The following MYO9B variants were observed in gnomAD, a reference collection of about 807,000 sequenced individuals.
The protein encoded by MYO9B is myosin IXB, also known as unconventional myosin-IXb.
A neutral mutation model predicts 229.5 loss-of-function variants in MYO9B; 71 were observed. That is an observed-to-expected ratio of 0.31 (90% confidence interval 0.26 to 0.38). The LOEUF is 0.38. MYO9B is among the 10% of genes least tolerant of loss of function. The probability of loss-of-function intolerance (pLI) is 1.00; values close to 1 mark genes in which losing one functional copy is unlikely to be tolerated. For missense variants in MYO9B, 2,255 were observed against 2,920.5 expected (o/e 0.77, Z 5.25); for synonymous variants, 1,185 against 1,235.8 (o/e 0.96, Z 0.86).
chr19:17,206,230 A>ACCCCCCCCCCCCC lies in MYO9B; in HGVS notation c.5258-14_5258-13insCCCCCCCCCCCCC. 1 of 407,806 alleles carries ACCCCCCCCCCCCC rather than the reference A, an allele frequency of 2.5e-6. No homozygotes were observed. Among genetic ancestry groups the ACCCCCCCCCCCCC allele is most frequent in the South Asian group, 3.1e-5 (1 of 32,270 alleles). The allele number at this position is 407,806 out of a possible 1,614,324, so 25.3% of individuals were successfully genotyped here. On this transcript the variant is annotated splice_polypyrimidine_tract_variant and intron_variant, in intron 32 of 39. Coordinates refer to ENST00000682292, the MANE Select transcript of MYO9B (RefSeq NM_004145.4). The stretch of plus-strand genomic sequence containing the variant: ...TGCCAGTGCGCCGCTCACCAGACCC[A>ACCCCCCCCCCCCC]CCCCACCCACCCCACAGACCCCGCA...
At chr19:17,150,539 T>C (rs1448476078) in intron 3 of MYO9B, among the ~76,000 whole-genome samples, 1 of 152,036 alleles carries the variant, frequency 6.6e-6, no homozygotes, top group Non-Finnish European at 1.5e-5. Flanking sequence ...CAGGATGGGC[T>C]CAGATGAGGG....
In MYO9B at chr19:17,102,208, A is replaced by G; in HGVS notation, c.491A>G (p.Lys164Arg). Residue 164 changes from lysine to arginine, a missense_variant, in exon 2 of 40, where the codon AAG (lysine) becomes AGG (arginine). Lys to Arg is a conservative substitution (Grantham distance 26). Transcript: ENST00000682292. ...LPELTEGNLLKNLKHRFLQQK... is the reference protein window; with the variant it reads ...LPELTEGNLLRNLKHRFLQQK... The stretch of plus-strand genomic sequence containing the variant: ...GAGCTAACCGAGGGCAACCTCCTGA[A>G]GAACCTCAAGCACCGCTTCCTGCAA... 10 of 1,613,990 alleles carry G rather than the reference A, an allele frequency of 6.2e-6. No individual in the cohort carries two copies. Among genetic ancestry groups the G allele is most frequent in the Non-Finnish European group, 8.5e-6 (10 of 1,179,874 alleles).
chr19:17,085,946 G>C lies in MYO9B; in HGVS notation c.-59+10072G>C, dbSNP rs182158793. ...TTCGTTACAAGCCCACAGGTCACCC[G>C]AGAAGGACCTGCAGCCCAGCCACCA... is the stretch of plus-strand genomic sequence containing the variant. On this transcript the variant is annotated intron_variant, in intron 1 of 39. Transcript: ENST00000682292. 2.6e-5 allele frequency among the ~76,000 whole-genome samples: 4 copies of C among 152,122 alleles called. No homozygotes were observed. The East Asian group carries it at 7.8e-4, about 29-fold the overall frequency.
intron 36 of MYO9B, among the ~76,000 whole-genome samples, 178 bp downstream of exon 36, chr19:17,209,887 T>G (rs954751331): frequency 1.3e-5 from 2 of 151,730 alleles, no homozygotes; most frequent in African/African-American, 4.8e-5. Flanking sequence ...GGGTGTGGTC[T>G]CGGGTAGCAG....
Position 17,168,014 on chromosome 19 carries a change from C to T in MYO9B, c.1743C>T (p.Leu581=), listed in dbSNP as rs1469850992. The change falls in exon 11 of 40, where the codon CTC becomes CTT. Residue 581 remains leucine, a synonymous_variant. Coordinates refer to ENST00000682292, the MANE Select transcript of MYO9B (RefSeq NM_004145.4). ...GYTDNVGCIH[L]ISKKPTGLFY... ...CAGACAATGTCGGCTGCATCCATCT[C>T]ATCAGCAAGAAACCCACGGGCCTCT... 6.2e-7 allele frequency: 1 copy of T among 1,611,390 alleles called. No homozygotes were observed. Among genetic ancestry groups the T allele is most frequent in the Non-Finnish European group, 8.5e-7 (1 of 1,178,972 alleles).
At chr19:17,111,762 G>A (rs140575191) in intron 2 of MYO9B, among the ~76,000 whole-genome samples, 6 of 152,108 alleles carry the variant, frequency 3.9e-5, no homozygotes, top group East Asian at 3.9e-4. Context: ...AGGAGACCCC[G>A]TCCCCATCAG....
intron 17 of MYO9B, 84 bp downstream of exon 17, chr19:17,185,071 T>C: frequency 1.3e-6 from 2 of 1,588,588 alleles, no homozygotes; most frequent in Non-Finnish European, 8.6e-7. Flanking sequence ...GCACAGCCCG[T>C]CTCTAGTAAA....
chr19:17,150,519 T>G (rs1452040678), intron 3 of MYO9B, among the ~76,000 whole-genome samples: 1 of 152,124 alleles, frequency 6.6e-6, no homozygotes, highest in African/African-American at 2.4e-5. Context: ...CAGCTGTGTC[T>G]CCTGCATAAC....
In MYO9B at chr19:17,198,215, G is replaced by A. The variant is rs1355835496; in HGVS notation, c.4145G>A (p.Ser1382Asn). 5 of 1,613,796 alleles carry A rather than the reference G, an allele frequency of 3.1e-6. No homozygotes were observed. The highest frequency in any genetic ancestry group is 3.4e-6 in the Non-Finnish European group (4 of 1,179,898). Residue 1382 changes from serine to asparagine, a missense_variant, in exon 24 of 40, where the codon AGT becomes AAT. Physicochemically the swap from Ser to Asn is conservative, Grantham distance 46. Around this residue, in one of 7 missense-constraint regions of MYO9B, gnomAD observed 679 missense variants for 770.2 expected, o/e 0.88. Coordinates refer to ENST00000682292, the MANE Select transcript of MYO9B (RefSeq NM_004145.4). ...PAAETTDGERSAKKPAVQKKK... is the reference protein window; with the variant it reads ...PAAETTDGERNAKKPAVQKKK... ...GCAGAAACCACGGACGGAGAGCGAAGTGCGAAAAAGCCAGCTGTCCAGAAG... is the reference window on the plus strand; with the variant it reads ...GCAGAAACCACGGACGGAGAGCGAAATGCGAAAAAGCCAGCTGTCCAGAAG...
chr19:17,158,063 C>T (rs1332169928), intron 7 of MYO9B, among the ~76,000 whole-genome samples: 1 of 152,128 alleles, frequency 6.6e-6, no homozygotes, highest in South Asian at 2.1e-4. Flanking sequence ...AGGTAGAGGC[C>T]ATGGATGCTG....
intron 2 of MYO9B, among the ~76,000 whole-genome samples, chr19:17,140,016 G>A (rs1471946004): frequency 6.6e-6 from 1 of 151,996 alleles, no homozygotes; most frequent in Non-Finnish European, 1.5e-5. Flanking sequence ...ACCCCAGCCT[G>A]GGCAACAAGA....
chr19:17,126,223 A>G (rs1441747401), intron 2 of MYO9B, among the ~76,000 whole-genome samples: 8 of 152,044 alleles, frequency 5.3e-5, no homozygotes, highest in Non-Finnish European at 1.2e-4. Context: ...CCCAGCTCCC[A>G]GGGAGTCTCT....
At chr19:17,096,613 G>C (rs537234175) in intron 1 of MYO9B, among the ~76,000 whole-genome samples, 63 of 151,514 alleles carry the variant, frequency 4.2e-4, no homozygotes, top group Non-Finnish European at 6.9e-4. Context: ...GACAGAGTGA[G>C]ACCCTGTCTC....
chr19:17,167,565 C>T (rs994625297), intron 10 of MYO9B, among the ~76,000 whole-genome samples: 1 of 151,218 alleles, frequency 6.6e-6, no homozygotes, highest in Non-Finnish European at 1.5e-5. Flanking sequence ...CTGCAACCTC[C>T]ACTTCCCGTG....
rs1011156997 is a variant in MYO9B, at chr19:17,153,975, A to G, written c.1007A>G (p.His336Arg). 2 of 1,613,550 alleles carry G rather than the reference A, an allele frequency of 1.2e-6. No homozygotes were observed. The highest frequency in any genetic ancestry group is 1.7e-6 in the Non-Finnish European group (2 of 1,179,630). Residue 336 changes from histidine (H) to arginine (R), a missense_variant, in exon 5 of 40, where the codon CAT becomes CGT. By Grantham distance (29) the His-to-Arg change is conservative. This residue lies in a region of MYO9B where 386 missense variants were observed against 515.2 expected (regional missense o/e 0.75). Transcript: ENST00000682292. ...CCAATTTTGACCTGTAGGAACTACC[A>G]TGTGTTTTATTATTTGTTACTTGGG... ...VSQEKDERNY[H>R]VFYYLLLGVS...
intron 36 of MYO9B, among the ~76,000 whole-genome samples, chr19:17,209,941 C>G (rs1370545313): frequency 6.6e-6 from 1 of 152,082 alleles, no homozygotes; most frequent in African/African-American, 2.4e-5. Flanking sequence ...CCTACCACAC[C>G]CTTGGCCACA....
chr19:17,091,587 G>A (rs1479963783), intron 1 of MYO9B, among the ~76,000 whole-genome samples: 1 of 152,184 alleles, frequency 6.6e-6, no homozygotes, highest in Non-Finnish European at 1.5e-5. Context: ...TTCAGGCCCA[G>A]GTATAGGGGG....
rs139896200 is a variant in MYO9B at position 17,164,597 on chromosome 19, G to T, written c.1671+1475G>T. Among the ~76,000 whole-genome samples, 743 of 152,242 alleles carry T rather than the reference G, an allele frequency of 4.9e-3. 2 individuals are homozygous for T. Among genetic ancestry groups the T allele is most frequent in the African/African-American group, 0.017 (719 of 41,554 alleles). On this transcript the variant is annotated intron_variant, in intron 10 of 39. Coordinates refer to ENST00000682292, the MANE Select transcript of MYO9B (RefSeq NM_004145.4). ...GGGTTTCACCATGCTGGCCAGGCTG[G>T]TCTCAAACTCCTGATCTCAGGCAAT...
At chr19:17,155,249 G>A (rs1440618603) in intron 6 of MYO9B, among the ~76,000 whole-genome samples, 13 of 151,502 alleles carry the variant, frequency 8.6e-5, no homozygotes, top group Non-Finnish European at 1.8e-4. Flanking sequence ...GTGAAGTGGC[G>A]AGATCATGGC....
Sources: gnomAD v4.1 joint callset for allele counts (sites outside exome capture counted in the v4.1 genomes callset) on GRCh38, gnomAD v4.1.1 for gene constraint, gnomAD v4.1.1 regional missense constraint, MANE v1.5 for transcripts, NCBI Gene and HGNC (gene_info 2026-07-23, HGNC 2026-07-21) for gene names.